The following CARS1 variants were observed in gnomAD, a reference collection of about 807,000 sequenced individuals.
CARS1 encodes cysteinyl-tRNA synthetase 1.
CARS1 carries 48 observed loss-of-function variants against 106.2 expected under a neutral mutation model. That is an observed-to-expected ratio of 0.45 (90% CI 0.36 to 0.57). CARS1 has a LOEUF of 0.57. Ranked by LOEUF, CARS1 falls within the 20% of genes least tolerant of loss-of-function variation. The pLI is 0.00. For synonymous variants in CARS1, 409 were observed against 403.4 expected, an observed-to-expected ratio of 1.01 and a Z score of -0.17; for missense variants, 968 against 1,057.2, an observed-to-expected ratio of 0.92 and a Z score of 1.17.
Position 3,050,589 on chromosome 11 carries a change from G to A in CARS1, c.26-2588C>T, listed in dbSNP as rs1044383394. 9.9e-5 allele frequency among the ~76,000 whole-genome samples: 15 copies of A among 152,152 alleles called. No individual in the cohort carries two copies. Among genetic ancestry groups the A allele is most frequent in the African/African-American group, 3.1e-4 (13 of 41,424 alleles). ...GCCTCCAGCGGCCCTGCTGAAAAGC[G>A]CACGTTCACATTACTGCCCCCAACA... On this transcript the variant is annotated intron_variant, in intron 1 of 22. Transcript: ENST00000380525. This position sits in a 1 kb window ranked among gnomAD's most constrained non-coding sequence, Gnocchi z 6.3.
chr11:3,017,343 C>A lies in CARS1; in HGVS notation c.1728-48G>T. On this transcript the variant is annotated intron_variant, in intron 15 of 22. Transcript: ENST00000380525. This position sits in a 1 kb window ranked among gnomAD's most constrained non-coding sequence, Gnocchi z 4.9. ...TGTGAAGTCAGACCTGAAAACACAC[C>A]ATAGAAATTCCCCATGTGGCCAGGC... is the stretch of plus-strand genomic sequence containing the variant. 1 of 1,552,452 alleles carries A rather than the reference C, an allele frequency of 6.4e-7. No homozygotes were observed. The highest frequency in any genetic ancestry group is 8.9e-7 in the Non-Finnish European group (1 of 1,129,568).
chr11:3,005,631 ATTTTT>A (rs5789288), intron 19 of CARS1, among the ~76,000 whole-genome samples, 198 bp from the exon 20 acceptor site: 1 of 132,476 alleles, frequency 7.5e-6, no homozygotes, highest in Non-Finnish European at 1.6e-5. Flanking sequence ...TGTGTGTGTG[ATTTTT>A]TTTTTTTTTT....
Position 3,052,031 on chromosome 11 carries a change from C to G in CARS1, c.26-4030G>C, listed in dbSNP as rs1855745826. Among the ~76,000 whole-genome samples the G allele has an allele frequency of 6.6e-6, 1 of 152,220 alleles. No individual in the cohort carries two copies. The highest frequency in any genetic ancestry group is 2.4e-5 in the African/African-American group (1 of 41,444). On this transcript the variant is annotated intron_variant, in intron 1 of 22. Transcript: ENST00000380525. The surrounding 1 kb of genome is among the most constrained non-coding windows in gnomAD (Gnocchi z 4.6). ...GACGATGGTTGATGAGAGGGGGTGA[C>G]AGGTGATTTTAATTCCCTCTTTTTC...
rs1590571093 is a variant in CARS1, at chr11:3,051,109, C to G, written c.26-3108G>C. 2.0e-5 allele frequency among the ~76,000 whole-genome samples: 3 copies of G among 152,344 alleles called. No homozygotes were observed. In the South Asian group the frequency reaches 6.2e-4, roughly 32 times the overall value. On this transcript the variant is annotated intron_variant, in intron 1 of 22. Coordinates refer to ENST00000380525, the MANE Select transcript of CARS1 (RefSeq NM_001014437.3). ...CTCATGCACCCTTCTCAGAAAGACA[C>G]CTGCACAAGGACCAGTGCTGGGAAC...
rs1849979625 is a variant in CARS1, at chr11:3,007,309, G to A, written c.2069-350C>T. On this transcript the variant is annotated intron_variant, in intron 18 of 22. Transcript: ENST00000380525. ...AGTTGGGCCGACAGCAGGGGTGGGA[G>A]GGTCAGGACAGGCCTGGGGGTCCCT... The A allele has an allele frequency of 1.7e-5, 6 of 352,956 alleles. No homozygotes were observed. The South Asian group carries it at 2.1e-4, about 13-fold the overall frequency. The allele number at this position is 352,956 out of a possible 1,614,324, so 21.9% of individuals were successfully genotyped here.
chr11:3,042,390 G>A (rs552108306), intron 2 of CARS1, 134 bp from the exon 3 acceptor site: 27 of 617,852 alleles, frequency 4.4e-5, no homozygotes, highest in African/African-American at 3.5e-4. Flanking sequence ...GAAACCACAC[G>A]AATCTCGGTC....
intron 21 of CARS1, 150 bp downstream of exon 21, chr11:3,002,391 C>T: frequency 6.9e-7 from 1 of 1,445,408 alleles, no homozygotes; most frequent in Non-Finnish European, 9.3e-7. Flanking sequence ...CCTGGCAGGC[C>T]TTGGGTGGTG....
At chr11:3,016,099 G>C (rs1351629128) in intron 16 of CARS1, among the ~76,000 whole-genome samples, 1 of 152,194 alleles carries the variant, frequency 6.6e-6, no homozygotes, top group Non-Finnish European at 1.5e-5. Context: ...CAACAACAAG[G>C]AAAGAGGAGG....
At chr11:3,012,421 G>C (rs1055060870) in intron 17 of CARS1, 145 bp from the exon 18 acceptor site, 34 of 690,126 alleles carry the variant, frequency 4.9e-5, no homozygotes, top group Non-Finnish European at 7.4e-5. Context: ...CGGCATCCCA[G>C]AGCCTGGACG....
At position 3,057,405 on chromosome 11, in the gene CARS1, A is replaced by T. The variant is rs370429272; in HGVS notation, c.-38T>A. On this transcript the variant is annotated 5_prime_UTR_variant, in exon 1 of 23. Coordinates refer to ENST00000380525, the MANE Select transcript of CARS1 (RefSeq NM_001014437.3). ...CGGACCCGCAGCTGCGGCTACAGAC[A>T]CTTCCTAGAATCTGATGCAACCGCC... 8 of 1,597,886 alleles carry T rather than the reference A, an allele frequency of 5.0e-6. No individual in the cohort carries two copies. The South Asian group carries it at 8.9e-5, about 18-fold the overall frequency.
At chr11:3,027,313 C>T (rs926891328) in intron 9 of CARS1, 1 of 154,712 alleles carries the variant, frequency 6.5e-6, no homozygotes, top group African/African-American at 2.4e-5. Context: ...AGAGTCTGCC[C>T]CGTTCCTGGC....
chr11:3,045,277 C>A lies in CARS1; in HGVS notation c.274+2476G>T, dbSNP rs533436334. ...AGCCTTTCCATTATCTCCAACCCCC[C>A]ACCCCGAGACGGAGTCTCGCTCTGT... On this transcript the variant is annotated intron_variant, in intron 2 of 22. Transcript: ENST00000380525. The surrounding 1 kb of genome is among the most constrained non-coding windows in gnomAD (Gnocchi z 5.6). Among the ~76,000 whole-genome samples, 5 of 152,072 alleles carry A rather than the reference C, an allele frequency of 3.3e-5. No individual in the cohort carries two copies. Among genetic ancestry groups the A allele is most frequent in the South Asian group, 2.1e-4 (1 of 4,826 alleles).
intron 18 of CARS1, chr11:3,009,292 A>G (rs756694): frequency 0.14 from 20,830 of 152,350 alleles, 1,703 homozygotes; most frequent in African/African-American, 0.22. Flanking sequence ...ACAGGCTGCA[A>G]CATGGATAGA....
At chr11:3,042,567 C>T (rs558724339) in intron 2 of CARS1, among the ~76,000 whole-genome samples, 35 of 152,264 alleles carry the variant, frequency 2.3e-4, no homozygotes, top group African/African-American at 8.4e-4. Flanking sequence ...GGCAGCATAC[C>T]CCAATAACAC....
At chr11:3,018,305 T>C in intron 14 of CARS1, 103 bp downstream of exon 14, 1 of 751,988 alleles carries the variant, frequency 1.3e-6, no homozygotes, top group Non-Finnish European at 2.3e-6. Flanking sequence ...CTGGTCTCCA[T>C]TAGAGACATC....
Position 3,037,479 on chromosome 11 carries a change from G to A in CARS1, c.801+571C>T, listed in dbSNP as rs1853811432. ...GACCAGCAGGCGGCGCTGGCACAAAGGAGAAGGCCTTCCTGACTGTGTCCA... is the reference window on the plus strand; with the variant it reads ...GACCAGCAGGCGGCGCTGGCACAAAAGAGAAGGCCTTCCTGACTGTGTCCA... On this transcript the variant is annotated intron_variant, in intron 7 of 22. Coordinates refer to ENST00000380525, the MANE Select transcript of CARS1 (RefSeq NM_001014437.3). The surrounding 1 kb of genome is among the most constrained non-coding windows in gnomAD (Gnocchi z 5.9). Among the ~76,000 whole-genome samples the A allele has an allele frequency of 6.6e-6, 1 of 152,212 alleles. No individual in the cohort carries two copies. Among genetic ancestry groups the A allele is most frequent in the Admixed American group, 6.5e-5 (1 of 15,286 alleles).
Position 3,028,767 on chromosome 11 carries a change from G to T in CARS1, c.1031+229C>A. The T allele has an allele frequency of 1.9e-6, 1 of 532,812 alleles. No individual in the cohort carries two copies. Among genetic ancestry groups the T allele is most frequent in the Non-Finnish European group, 3.3e-6 (1 of 302,020 alleles). The allele number at this position is 532,812 out of a possible 1,614,324, so 33.0% of individuals were successfully genotyped here. On this transcript the variant is annotated intron_variant, in intron 9 of 22. Coordinates refer to ENST00000380525, the MANE Select transcript of CARS1 (RefSeq NM_001014437.3). The surrounding 1 kb of genome is among the most constrained non-coding windows in gnomAD (Gnocchi z 4.4). ...ATGGTCTTGGCTGCCGAGCTTCCCA[G>T]CAGATTCTGGGTTAGGTTCTCACCA...
chr11:3,001,024 G>A lies in CARS1; in HGVS notation c.*90C>T, dbSNP rs1849352404. The A allele has an allele frequency of 2.1e-6, 3 of 1,456,144 alleles. No individual in the cohort carries two copies. The highest frequency in any genetic ancestry group is 2.3e-5 in the South Asian group (2 of 85,354). 90.2% of individuals were successfully genotyped at this position (1,456,144 alleles called of 1,614,324 possible). ...CTTAATTTAGGACCCAAGGGTGACT[G>A]TAAACATGATAGGAGCGCTGGGACA... is the stretch of plus-strand genomic sequence containing the variant. On this transcript the variant is annotated 3_prime_UTR_variant, in exon 23 of 23. Transcript: ENST00000380525.
intron 17 of CARS1, among the ~76,000 whole-genome samples, chr11:3,013,698 A>G (rs549190946): frequency 6.6e-6 from 1 of 152,096 alleles, no homozygotes; most frequent in South Asian, 2.1e-4. Context: ...AAAATACAAA[A>G]AAAAATTAGC....
Sources: allele counts gnomAD v4.1 joint callset (sites outside exome capture counted in the v4.1 genomes callset), GRCh38; gene constraint gnomAD v4.1.1; non-coding constraint Gnocchi (gnomAD v3.1); transcripts MANE v1.5; gene names NCBI Gene and HGNC (gene_info 2026-07-23, HGNC 2026-07-21).